Variants in LOXHD1 observed in about 807,000 individuals in gnomAD.
LOXHD1 encodes lipoxygenase homology PLAT domains 1.
In LOXHD1, 205 loss-of-function variants were observed where a neutral mutation model predicts 248.2. The ratio of observed to expected loss-of-function variants is 0.83; its 90% CI spans 0.74 to 0.93. LOXHD1 has a LOEUF of 0.93. Among genes scored for constraint, LOXHD1 ranks in the 40% least tolerant of loss-of-function variants. The pLI is 0.00. For missense variants in LOXHD1, 2,930 were observed against 2,971.6 expected, an observed-to-expected ratio of 0.99 and a Z score of 0.33; for synonymous variants, 1,113 against 1,162.8, an observed-to-expected ratio of 0.96 and a Z score of 0.87.
chr18:46,507,794 C>T lies in LOXHD1; in HGVS notation c.5518-82G>A, dbSNP rs1047717349. 2.9e-5 allele frequency: 41 copies of T among 1,405,994 alleles called. 1 individual carries two copies. The highest frequency in any genetic ancestry group is 2.0e-4 in the Middle Eastern group (1 of 4,970). 87.1% of individuals were successfully genotyped at this position (1,405,994 alleles called of 1,614,324 possible). A position where few individuals can be genotyped will look rare whatever the true frequency, so the allele number is the denominator to read the frequency against. ...CCCCCTGGCTCATGCAGCCCCTCCC[C>T]GAATCCCAACCCTGGAGATCCCAGA... On this transcript the variant is annotated intron_variant, in intron 35 of 40. Transcript: ENST00000642948.
intron 29 of LOXHD1, among the ~76,000 whole-genome samples, chr18:46,525,513 G>T (rs2035789350): frequency 6.6e-6 from 1 of 152,226 alleles, no homozygotes; most frequent in African/African-American, 2.4e-5. Context: ...CTGGGATGCA[G>T]GCTCAAGGGG....
chr18:46,557,778 T>C lies in LOXHD1; in HGVS notation c.3217-289A>G. The C allele has an allele frequency of 4.7e-6, 5 of 1,065,388 alleles. No homozygotes were observed. The South Asian group carries it at 9.3e-5, about 20-fold the overall frequency. 66.0% of individuals were successfully genotyped at this position (1,065,388 alleles called of 1,614,324 possible). On this transcript the variant is annotated intron_variant, in intron 20 of 40. Transcript: ENST00000642948. ...CTTGAGAGGCAGAAGAGAAGATAGG[T>C]TTGCTGGATGCCCACATCTGTGGTG...
At position 46,524,826 on chromosome 18, in the gene LOXHD1, T is replaced by C; in HGVS notation, c.4622A>G (p.Tyr1541Cys). ...HDNSKWCADW[Y>C]VEKVEIWNDT... The stretch of plus-strand genomic sequence containing the variant: ...ATTCCAGATCTCCACCTTCTCCACG[T>C]ACCAGTCTGCGCACCACTTGGAGTT... Residue 1541 changes from tyrosine (Y) to cysteine (C), a missense_variant, in exon 30 of 41, where the codon TAC becomes TGC. By Grantham distance (194) the Tyr-to-Cys change is radical (BLOSUM62 -2). Transcript: ENST00000642948. 1 of 1,551,790 alleles carries C rather than the reference T, an allele frequency of 6.4e-7. No homozygotes were observed. Among genetic ancestry groups the C allele is most frequent in the Non-Finnish European group, 8.7e-7 (1 of 1,147,006 alleles).
At chr18:46,614,198 A>G (rs1176423255) in intron 5 of LOXHD1, among the ~76,000 whole-genome samples, 1 of 152,146 alleles carries the variant, frequency 6.6e-6, no homozygotes, top group African/African-American at 2.4e-5. Context: ...ACACCATTTG[A>G]CCCAGCCATC....
chr18:46,648,132 C>T (rs1295074983), intron 2 of LOXHD1, among the ~76,000 whole-genome samples: 2 of 152,148 alleles, frequency 1.3e-5, no homozygotes, highest in Non-Finnish European at 2.9e-5. Context: ...GTGGCACACG[C>T]CTGTAGTTCC....
intron 6 of LOXHD1, among the ~76,000 whole-genome samples, chr18:46,605,104 T>C (rs1487764179): frequency 6.6e-6 from 1 of 152,242 alleles, no homozygotes; most frequent in Non-Finnish European, 1.5e-5. Context: ...TATTGAAGAC[T>C]ATACTGTAAA....
At chr18:46,518,033 C>A in intron 34 of LOXHD1, 96 bp downstream of exon 34, 4 of 1,436,618 alleles carry the variant, frequency 2.8e-6, no homozygotes, top group Non-Finnish European at 3.8e-6. Flanking sequence ...TGGTCTGCAG[C>A]GGGCATGTGA....
intron 17 of LOXHD1, among the ~76,000 whole-genome samples, chr18:46,565,260 CA>C (rs56205039): frequency 0.34 from 50,873 of 148,648 alleles, 9,993 homozygotes; most frequent in Non-Finnish European, 0.43. Flanking sequence ...GGCTCTGTCT[CA>C]AAAAAAAAAA....
Position 46,618,248 on chromosome 18 carries a change from C to T in LOXHD1, c.554G>A (p.Gly185Asp), listed in dbSNP as rs1005117241. 14 of 1,551,386 alleles carry T rather than the reference C, an allele frequency of 9.0e-6. No homozygotes were observed. Among genetic ancestry groups the T allele is most frequent in the Non-Finnish European group, 1.2e-5 (14 of 1,146,842 alleles). Residue 185 changes from glycine to aspartate, a missense_variant, in exon 5 of 41, where the codon GGT becomes GAT. By Grantham distance (94) the Gly-to-Asp change is moderately conservative. Transcript: ENST00000642948. The part of the protein sequence containing the change: ...EVKVYTGDVI[G>D]AGTDADVFIN... ...GAAGACATCAGCATCTGTCCCTGCACCAATTACATCACCAGTGTATACCTT... is the reference window on the plus strand; with the variant it reads ...GAAGACATCAGCATCTGTCCCTGCATCAATTACATCACCAGTGTATACCTT...
intron 1 of LOXHD1, 29 bp downstream of exon 1, chr18:46,656,874 AC>A (rs1255298499): frequency 5.8e-6 from 9 of 1,548,280 alleles, no homozygotes; most frequent in Non-Finnish European, 7.9e-6. Flanking sequence ...CAGCTGCACC[AC>A]CCGCCCCCCG....
At chr18:46,639,903 T>C in intron 3 of LOXHD1, 103 bp from the exon 4 acceptor site, 2 of 1,384,810 alleles carry the variant, frequency 1.4e-6, no homozygotes, top group East Asian at 2.5e-5. Context: ...GGTCCAATTA[T>C]TCTGTTGTTG....
At chr18:46,629,893 C>T (rs982107875) in intron 4 of LOXHD1, among the ~76,000 whole-genome samples, 1 of 152,086 alleles carries the variant, frequency 6.6e-6, no homozygotes, top group East Asian at 1.9e-4. Flanking sequence ...CTCCCACCAC[C>T]TGCATGCGCC....
intron 8 of LOXHD1, 149 bp from the exon 9 acceptor site, chr18:46,594,615 A>T: frequency 1.0e-6 from 1 of 963,496 alleles, no homozygotes; most frequent in Non-Finnish European, 1.5e-6. Flanking sequence ...ATCTCATTAA[A>T]TCTTAAATCA....
intron 35 of LOXHD1, chr18:46,509,452 C>T (rs1392312429): frequency 9.6e-6 from 5 of 520,288 alleles, no homozygotes; most frequent in Non-Finnish European, 1.4e-5. Flanking sequence ...TCTCTGTCCA[C>T]GTAACGTTGA....
chr18:46,534,100 T>G (rs953153889), intron 27 of LOXHD1, among the ~76,000 whole-genome samples: 4 of 151,930 alleles, frequency 2.6e-5, no homozygotes, highest in African/African-American at 9.7e-5. Flanking sequence ...GCCTTGGAGG[T>G]GGGGAGGAGA....
chr18:46,483,733 G>A lies in LOXHD1; in HGVS notation c.6195C>T (p.Asp2065=). Reference sequence around the variant, plus strand: ...AGTAGATGCTGTCAAACTCAAACGTGTCTGTGGTCCCCCTGCAGGAAACAA... The same window carrying A: ...AGTAGATGCTGTCAAACTCAAACGTATCTGTGGTCCCCCTGCAGGAAACAA... The part of the protein sequence containing the change: ...RQRAFRKGTT[D]TFEFDSIYLG... Residue 2065 remains aspartate (D), a synonymous_variant, in exon 40 of 41, where the codon GAC becomes GAT. Transcript: ENST00000642948. 1 of 1,548,340 alleles carries A rather than the reference G, an allele frequency of 6.5e-7. No individual in the cohort carries two copies. Among genetic ancestry groups the A allele is most frequent in the Non-Finnish European group, 8.7e-7 (1 of 1,144,900 alleles).
intron 4 of LOXHD1, among the ~76,000 whole-genome samples, chr18:46,634,823 C>G (rs1342364730): frequency 1.3e-5 from 2 of 152,248 alleles, no homozygotes; most frequent in East Asian, 3.9e-4. Flanking sequence ...TTAATGGGCA[C>G]AGTTTCAGGG....
In LOXHD1 at chr18:46,568,330, T is replaced by G. The variant is rs545430515; in HGVS notation, c.2244+1112A>C. On this transcript the variant is annotated intron_variant, in intron 16 of 40. Transcript: ENST00000642948. ...AATCCTCAAGTCCAAGATTTAGAAC[T>G]GTGTTTCTCCAGGTGATGTCAAGGA... 4.6e-5 allele frequency among the ~76,000 whole-genome samples: 7 copies of G among 152,348 alleles called. No homozygotes were observed. The South Asian group carries it at 8.3e-4, about 18-fold the overall frequency.
At chr18:46,623,547 G>A (rs949022010) in intron 4 of LOXHD1, among the ~76,000 whole-genome samples, 2 of 152,240 alleles carry the variant, frequency 1.3e-5, no homozygotes, top group African/African-American at 4.8e-5. Context: ...AGGGTTGTCT[G>A]TGCCCCCCTT....
Sources: gnomAD v4.1 joint callset for allele counts (sites outside exome capture counted in the v4.1 genomes callset) on GRCh38, gnomAD v4.1.1 for gene constraint, MANE v1.5 for transcripts, NCBI Gene and HGNC (gene_info 2026-07-23, HGNC 2026-07-21) for gene names.